The following LSAMP variants were observed in gnomAD, a reference collection of about 807,000 sequenced individuals.
LSAMP encodes limbic system associated membrane protein, also known as limbic system-associated membrane protein.
LSAMP carries 7 observed loss-of-function variants against 38.6 expected under a neutral mutation model. The ratio of observed to expected loss-of-function variants is 0.18; its 90% CI spans 0.10 to 0.34. The LOEUF (loss-of-function observed/expected upper bound fraction) is 0.34. LSAMP is among the 10% of genes least tolerant of loss of function. The pLI, the probability that LSAMP is intolerant of heterozygous loss-of-function variation, is 1.00. For missense variants in LSAMP, 313 were observed against 420.0 expected (o/e 0.75, Z 2.23); for synonymous variants, 154 against 166.8 (o/e 0.92, Z 0.59).
intron 1 of LSAMP, among the ~76,000 whole-genome samples, chr3:116,423,494 A>G (rs2107859124): frequency 6.6e-6 from 1 of 152,268 alleles, no homozygotes; most frequent in African/African-American, 2.4e-5. Flanking sequence ...CCTCTGGGGG[A>G]TAGAGAAAGC....
chr3:115,991,686 T>A (rs1939673135), intron 3 of LSAMP, among the ~76,000 whole-genome samples: 1 of 152,076 alleles, frequency 6.6e-6, no homozygotes, highest in East Asian at 1.9e-4. Context: ...AAATGCGGCT[T>A]GTAGCCACTC....
At chr3:115,949,490 A>G (rs1938212886) in intron 3 of LSAMP, among the ~76,000 whole-genome samples, 1 of 149,844 alleles carries the variant, frequency 6.7e-6, no homozygotes, top group Non-Finnish European at 1.5e-5. Flanking sequence ...AAGGATAGAT[A>G]AATTCCTGGA....
chr3:116,275,339 C>A (rs2047035084), intron 1 of LSAMP, among the ~76,000 whole-genome samples: 1 of 152,120 alleles, frequency 6.6e-6, no homozygotes, highest in Non-Finnish European at 1.5e-5. Flanking sequence ...AAGCTTGAGC[C>A]ACCACACCCT....
chr3:115,838,321 A>C (rs1934863599), intron 6 of LSAMP, among the ~76,000 whole-genome samples: 1 of 152,238 alleles, frequency 6.6e-6, no homozygotes, highest in Non-Finnish European at 1.5e-5. Context: ...AATCTAACTC[A>C]ACAAGAGCAT....
chr3:116,174,691 T>C (rs1326494808), intron 1 of LSAMP, among the ~76,000 whole-genome samples: 1 of 152,002 alleles, frequency 6.6e-6, no homozygotes, highest in African/African-American at 2.4e-5. Flanking sequence ...CAGCTGACTT[T>C]CTTATCGCTG....
chr3:116,020,026 T>A (rs1255199126), intron 2 of LSAMP, among the ~76,000 whole-genome samples: 1 of 152,148 alleles, frequency 6.6e-6, no homozygotes, highest in Non-Finnish European at 1.5e-5. Flanking sequence ...ATAAATATAA[T>A]CCAATGTCTT....
At chr3:116,010,902 T>C (rs921670236) in intron 3 of LSAMP, among the ~76,000 whole-genome samples, 12 of 152,262 alleles carry the variant, frequency 7.9e-5, no homozygotes, top group Admixed American at 3.3e-4. Flanking sequence ...CTAATATTTC[T>C]ATTTTTTTAG....
chr3:116,296,410 A>G (rs2047333691), intron 1 of LSAMP, among the ~76,000 whole-genome samples: 1 of 152,168 alleles, frequency 6.6e-6, no homozygotes, highest in Admixed American at 6.5e-5. Flanking sequence ...CTTACACAGA[A>G]CAATGATTTA....
chr3:115,990,318 G>A (rs773315239), intron 3 of LSAMP, among the ~76,000 whole-genome samples: 3 of 152,014 alleles, frequency 2.0e-5, no homozygotes, highest in African/African-American at 4.8e-5. Flanking sequence ...TGGTATTTGG[G>A]AGGAACCATT....
chr3:116,327,600 A>G (rs2047791121), intron 1 of LSAMP, among the ~76,000 whole-genome samples: 2 of 152,082 alleles, frequency 1.3e-5, no homozygotes, highest in Admixed American at 1.3e-4. Flanking sequence ...ACTCTCTGGG[A>G]TATGCTAAAG....
At position 116,221,844 on chromosome 3, in the gene LSAMP, A is replaced by AGTGTGTGTGTGTGT. The variant is rs58596077; in HGVS notation, c.156-135302_156-135289dup. ...AACATTCTGCGTGATCCTAAAAAGA[A>AGTGTGTGTGTGTGT]GTGTGTGTGTGTGTGTGTGTGTGTG... On this transcript the variant is annotated intron_variant, in intron 1 of 6. Transcript: ENST00000490035. Among the ~76,000 whole-genome samples the AGTGTGTGTGTGTGT allele has an allele frequency of 3.4e-3, 496 of 145,468 alleles. 2 individuals are homozygous for AGTGTGTGTGTGTGT. Among genetic ancestry groups the AGTGTGTGTGTGTGT allele is most frequent in the African/African-American group, 6.2e-3 (245 of 39,282 alleles).
At chr3:116,418,121 T>C (rs879322399) in intron 1 of LSAMP, among the ~76,000 whole-genome samples, 1 of 152,234 alleles carries the variant, frequency 6.6e-6, no homozygotes, top group Non-Finnish European at 1.5e-5. Context: ...TTTTAGTTGG[T>C]CACTTTCCTG....
At position 116,356,408 on chromosome 3, in the gene LSAMP, G is replaced by A. The variant is rs189379050; in HGVS notation, c.155+88469C>T. ...AACTCACGGAGATAGAGAATAGAAT[G>A]ATGGTTACCAGAGGTTTGGAAGAAT... is the stretch of plus-strand genomic sequence containing the variant. On this transcript the variant is annotated intron_variant, in intron 1 of 6. Coordinates refer to ENST00000490035, the MANE Select transcript of LSAMP (RefSeq NM_002338.5). 3.8e-3 allele frequency among the ~76,000 whole-genome samples: 580 copies of A among 152,308 alleles called. 4 individuals carry two copies. Among genetic ancestry groups the A allele is most frequent in the African/African-American group, 0.013 (549 of 41,580 alleles).
intron 1 of LSAMP, among the ~76,000 whole-genome samples, chr3:116,330,540 C>G (rs1384176110): frequency 6.6e-6 from 1 of 151,750 alleles, no homozygotes; most frequent in Non-Finnish European, 1.5e-5. Flanking sequence ...CTTAAAGGAC[C>G]AGCATGCTCC....
At chr3:116,423,924 A>T (rs1436178877) in intron 1 of LSAMP, among the ~76,000 whole-genome samples, 1 of 152,244 alleles carries the variant, frequency 6.6e-6, no homozygotes, top group Non-Finnish European at 1.5e-5. Context: ...AGAAAATATC[A>T]GTATTTTTTA....
intron 3 of LSAMP, among the ~76,000 whole-genome samples, chr3:115,992,443 A>G (rs926809533): frequency 6.6e-6 from 1 of 152,078 alleles, no homozygotes; most frequent in Non-Finnish European, 1.5e-5. Context: ...TTGGGCTCCT[A>G]CAAGTGAGTA....
At chr3:115,810,549 A>C (rs1933790885) in intron 6 of LSAMP, 135 bp from the exon 7 acceptor site, 1 of 685,682 alleles carries the variant, frequency 1.5e-6, no homozygotes, top group South Asian at 1.7e-5. Flanking sequence ...ACTTATGTGC[A>C]GCCCAAGAAG....
chr3:115,816,021 C>T lies in LSAMP; in HGVS notation c.920-5607G>A, dbSNP rs539829009. 7.9e-5 allele frequency among the ~76,000 whole-genome samples: 12 copies of T among 152,208 alleles called. No homozygotes were observed. In the East Asian group the frequency reaches 2.3e-3, roughly 29 times the overall value. On this transcript the variant is annotated intron_variant, in intron 6 of 6. Coordinates refer to ENST00000490035, the MANE Select transcript of LSAMP (RefSeq NM_002338.5). The stretch of plus-strand genomic sequence containing the variant: ...TTGGTTGTCTCACCCCTCTGAGACT[C>T]AGAGAGGAAGATGCCTTCATATGAG...
intron 1 of LSAMP, among the ~76,000 whole-genome samples, chr3:116,426,689 A>G (rs1428946710): frequency 6.6e-6 from 1 of 152,156 alleles, no homozygotes; most frequent in Admixed American, 6.5e-5. Context: ...CAAATCTGAA[A>G]TGTGAATACA....
Sources: allele counts gnomAD v4.1 joint callset (sites outside exome capture counted in the v4.1 genomes callset), GRCh38; gene constraint gnomAD v4.1.1; transcripts MANE v1.5; gene names NCBI Gene and HGNC (gene_info 2026-07-23, HGNC 2026-07-21).